CTNNA2: variants seen among roughly 807,000 people sequenced by gnomAD.
CTNNA2 encodes catenin alpha-2.
Under a neutral mutation model 101.0 loss-of-function variants are expected in CTNNA2, and 42 were observed. The observed-to-expected ratio is 0.42, with a 90% confidence interval of 0.32 to 0.54. The LOEUF (loss-of-function observed/expected upper bound fraction) is 0.54. CTNNA2 is among the 20% of genes least tolerant of loss of function. The pLI is 0.14. For missense variants in CTNNA2, 871 were observed against 1,223.1 expected (o/e 0.71, Z 4.29); for synonymous variants, 450 against 456.4 (o/e 0.99, Z 0.18).
chr2:79,695,736 G>A (rs12624119), intron 2 of CTNNA2, among the ~76,000 whole-genome samples: 2 of 151,974 alleles, frequency 1.3e-5, no homozygotes, highest in East Asian at 3.9e-4. Context: ...TTAGCCCTTA[G>A]AGAAGAAAGG....
At chr2:80,332,387 G>A (rs1325428341) in intron 7 of CTNNA2, among the ~76,000 whole-genome samples, 1 of 152,164 alleles carries the variant, frequency 6.6e-6, no homozygotes, top group African/African-American at 2.4e-5. Flanking sequence ...TTCAGGTGTA[G>A]GTCATGCTGT....
chr2:80,450,767 A>G, intron 9 of CTNNA2, among the ~76,000 whole-genome samples: 1 of 152,306 alleles, frequency 6.6e-6, no homozygotes, highest in East Asian at 1.9e-4. Flanking sequence ...TTCTTCTAAG[A>G]GCACTTGTTG....
intron 4 of CTNNA2, chr2:79,493,965 G>T (rs1369755624): frequency 6.6e-6 from 1 of 151,758 alleles, no homozygotes; most frequent in African/African-American, 2.4e-5. Flanking sequence ...AATAAACGAG[G>T]TAACAATATT....
intron 7 of CTNNA2, among the ~76,000 whole-genome samples, chr2:79,911,404 A>G (rs552044237): frequency 6.6e-6 from 1 of 152,360 alleles, no homozygotes; most frequent in Admixed American, 6.5e-5. Flanking sequence ...CTCAATATAA[A>G]TAAATCAGAC....
At chr2:79,430,613 C>T (rs1457923630) in intron 4 of CTNNA2, among the ~76,000 whole-genome samples, 3 of 152,070 alleles carry the variant, frequency 2.0e-5, no homozygotes, top group Non-Finnish European at 4.4e-5. Context: ...AGCCTTTTTG[C>T]ATATATTATT....
intron 7 of CTNNA2, among the ~76,000 whole-genome samples, chr2:80,057,178 T>G (rs1292890182): frequency 6.6e-6 from 1 of 151,450 alleles, no homozygotes; most frequent in East Asian, 1.9e-4. Context: ...ATAAGTTGTT[T>G]TTTTTTTTTT....
chr2:80,094,438 A>G (rs1307939704), intron 7 of CTNNA2, among the ~76,000 whole-genome samples: 2 of 152,142 alleles, frequency 1.3e-5, no homozygotes, highest in Non-Finnish European at 2.9e-5. Flanking sequence ...GTCAGGTAGC[A>G]TGATGCCTCC....
At chr2:79,288,357 G>C (rs1675683293) in intron 2 of CTNNA2, among the ~76,000 whole-genome samples, 1 of 152,200 alleles carries the variant, frequency 6.6e-6, no homozygotes, top group African/African-American at 2.4e-5. Context: ...TGAAAACTTA[G>C]TGAATAAAAC....
intron 4 of CTNNA2, among the ~76,000 whole-genome samples, chr2:79,442,568 G>A (rs1558667635): frequency 6.6e-6 from 1 of 152,106 alleles, no homozygotes; most frequent in Non-Finnish European, 1.5e-5. Flanking sequence ...TGTCCTTGCG[G>A]TTAAACTGAA....
At chr2:79,358,525 T>C (rs1573116966) in intron 3 of CTNNA2, among the ~76,000 whole-genome samples, 1 of 152,200 alleles carries the variant, frequency 6.6e-6, no homozygotes, top group Non-Finnish European at 1.5e-5. Flanking sequence ...CAACATACGG[T>C]TTATTTTTAT....
Position 80,576,741 on chromosome 2 carries a change from G to A in CTNNA2, c.1893+2427G>A, listed in dbSNP as rs1207552091. On this transcript the variant is annotated intron_variant, in intron 13 of 18. Transcript: ENST00000402739. ...AGGCAGGTGGATCACCTGAGGTCGG[G>A]AGTTTAAGACCAGCCTGGCCAACAT... is the stretch of plus-strand genomic sequence containing the variant. Among the ~76,000 whole-genome samples, 4 of 137,604 alleles carry A rather than the reference G, an allele frequency of 2.9e-5. No individual in the cohort carries two copies. In the East Asian group the frequency reaches 8.7e-4, roughly 30 times the overall value. 90.3% of individuals were successfully genotyped at this position (137,604 alleles called of 152,430 possible). A position where few individuals can be genotyped will look rare whatever the true frequency, so the allele number is the denominator to read the frequency against.
chr2:80,227,239 C>T (rs1404215609), intron 7 of CTNNA2, among the ~76,000 whole-genome samples: 1 of 152,110 alleles, frequency 6.6e-6, no homozygotes, highest in Non-Finnish European at 1.5e-5. Context: ...AGGGACACCA[C>T]CTTAGGCATT....
chr2:79,426,494 A>G (rs2104506470), intron 4 of CTNNA2, among the ~76,000 whole-genome samples: 2 of 152,276 alleles, frequency 1.3e-5, no homozygotes, highest in East Asian at 3.9e-4. Context: ...CAGTTATAAT[A>G]GCCAAAGCCT....
chr2:80,231,415 AG>A (rs1317533888), intron 7 of CTNNA2, among the ~76,000 whole-genome samples: 1 of 152,198 alleles, frequency 6.6e-6, no homozygotes, highest in Non-Finnish European at 1.5e-5. Flanking sequence ...CCCACTGATC[AG>A]GCAAGGCACT....
At chr2:80,383,707 A>G (rs1676728820) in intron 7 of CTNNA2, among the ~76,000 whole-genome samples, 1 of 152,098 alleles carries the variant, frequency 6.6e-6, no homozygotes, top group South Asian at 2.1e-4. Context: ...AGAAAATACA[A>G]ATAGATTAGA....
intron 2 of CTNNA2, among the ~76,000 whole-genome samples, chr2:79,290,897 G>T (rs1273978545): frequency 6.6e-6 from 1 of 152,210 alleles, no homozygotes; most frequent in Non-Finnish European, 1.5e-5. Flanking sequence ...ATAAGGCAGG[G>T]GGTCTAATTG....
chr2:80,266,100 G>T (rs1672980720), intron 7 of CTNNA2, among the ~76,000 whole-genome samples: 1 of 152,182 alleles, frequency 6.6e-6, no homozygotes, highest in African/African-American at 2.4e-5. Context: ...TGGAGTCAGA[G>T]GTCACTTCTG....
At chr2:79,268,279 C>G (rs6744375) in intron 2 of CTNNA2, among the ~76,000 whole-genome samples, 3,865 of 152,144 alleles carry the variant, frequency 0.025, 173 homozygotes, top group African/African-American at 0.088. Context: ...AGAGGAATCT[C>G]TAGTCTGCTG....
intron 9 of CTNNA2, among the ~76,000 whole-genome samples, chr2:80,540,692 ATAT>A (rs930256239): frequency 4.0e-5 from 6 of 151,692 alleles, no homozygotes; most frequent in African/African-American, 1.5e-4. Context: ...ATTTCAAGCT[ATAT>A]TATTTTTTTC....
Sources: gnomAD v4.1 joint callset for allele counts (sites outside exome capture counted in the v4.1 genomes callset) on GRCh38, gnomAD v4.1.1 for gene constraint, MANE v1.5 for transcripts, NCBI Gene and HGNC (gene_info 2026-07-23, HGNC 2026-07-21) for gene names.